Variants in ZDHHC14 observed in about 807,000 individuals in gnomAD.
The protein encoded by ZDHHC14 is zDHHC palmitoyltransferase 14.
A neutral mutation model predicts 47.7 loss-of-function variants in ZDHHC14; 16 were observed. That is an observed-to-expected ratio of 0.34 (90% CI 0.23 to 0.51). The LOEUF is 0.51. Ranked by LOEUF, ZDHHC14 falls within the 20% of genes least tolerant of loss-of-function variation. The pLI is 0.97. For missense variants in ZDHHC14, 515 were observed against 662.5 expected (o/e 0.78, Z 2.44); for synonymous variants, 293 against 278.9 (o/e 1.05, Z -0.50).
Position 157,593,045 on chromosome 6 carries a change from T to C in ZDHHC14, c.464T>C (p.Val155Ala), listed in dbSNP as rs1367492389. ...GYRPPPRTKEVIINGQTVKLK... is the reference protein window; with the variant it reads ...GYRPPPRTKEAIINGQTVKLK... The stretch of plus-strand genomic sequence containing the variant: ...CGCCCGCCTCCCAGAACCAAAGAAG[T>C]CATCATCAATGGCCAGACCGTGAAA... Residue 155 changes from valine to alanine, a missense_variant, in exon 3 of 9, where the codon GTC (valine) becomes GCC (alanine). Around this residue, in one of 4 missense-constraint regions of ZDHHC14, gnomAD observed 229 missense variants for 351.5 expected, o/e 0.65. Coordinates refer to ENST00000359775, the MANE Select transcript of ZDHHC14 (RefSeq NM_024630.3). The C allele has an allele frequency of 6.2e-7, 1 of 1,614,018 alleles. No homozygotes were observed. The highest frequency in any genetic ancestry group is 8.5e-7 in the Non-Finnish European group (1 of 1,180,016).
At chr6:157,510,826 A>G (rs1780448642) in intron 1 of ZDHHC14, among the ~76,000 whole-genome samples, 3 of 152,208 alleles carry the variant, frequency 2.0e-5, no homozygotes, top group Admixed American at 1.3e-4. Flanking sequence ...AGGGATGGCC[A>G]CCAGTCCCCG....
chr6:157,665,624 T>C (rs1303091482), intron 8 of ZDHHC14, among the ~76,000 whole-genome samples: 1 of 152,238 alleles, frequency 6.6e-6, no homozygotes, highest in East Asian at 1.9e-4. Context: ...AAATGCTTTA[T>C]AATTTTACGT....
chr6:157,628,948 C>T (rs1785550981), intron 4 of ZDHHC14, among the ~76,000 whole-genome samples: 1 of 152,220 alleles, frequency 6.6e-6, no homozygotes, highest in Non-Finnish European at 1.5e-5. Context: ...TCACCAGTCA[C>T]CCTCCCTAGA....
intron 1 of ZDHHC14, among the ~76,000 whole-genome samples, chr6:157,492,206 G>GCCCCCCCCC (rs954347593): frequency 9.7e-5 from 8 of 82,534 alleles, no homozygotes; most frequent in South Asian, 4.8e-4. Flanking sequence ...CTCCGCCCCC[G>GCCCCCCCCC]CCCCCCAGCC....
chr6:157,509,547 A>T (rs1384743906), intron 1 of ZDHHC14, among the ~76,000 whole-genome samples: 2 of 152,206 alleles, frequency 1.3e-5, no homozygotes, highest in Admixed American at 6.5e-5. Flanking sequence ...CTGGATTCAC[A>T]CCTGGCAGTG....
At chr6:157,419,266 G>T (rs778059859) in intron 1 of ZDHHC14, among the ~76,000 whole-genome samples, 1 of 152,056 alleles carries the variant, frequency 6.6e-6, no homozygotes, top group Non-Finnish European at 1.5e-5. Flanking sequence ...ACAGTTTAGG[G>T]TTTACTCTTT....
At chr6:157,667,792 T>A (rs1167988862) in intron 8 of ZDHHC14, among the ~76,000 whole-genome samples, 1 of 152,172 alleles carries the variant, frequency 6.6e-6, no homozygotes, top group Non-Finnish European at 1.5e-5. Context: ...AAAGCTCTTT[T>A]AAAAAAATCA....
chr6:157,635,756 C>T (rs148469297), intron 5 of ZDHHC14, among the ~76,000 whole-genome samples: 3 of 152,294 alleles, frequency 2.0e-5, no homozygotes, highest in East Asian at 1.9e-4. Context: ...GTGGCAGTAG[C>T]GTGCTGGCCG....
intron 5 of ZDHHC14, among the ~76,000 whole-genome samples, chr6:157,637,246 C>T (rs954083546): frequency 5.3e-5 from 8 of 152,154 alleles, no homozygotes; most frequent in African/African-American, 1.9e-4. Context: ...TGTGGTGAAG[C>T]CCTGTAGCTC....
chr6:157,486,167 C>G (rs549729019), intron 1 of ZDHHC14, among the ~76,000 whole-genome samples: 13 of 152,306 alleles, frequency 8.5e-5, no homozygotes, highest in Admixed American at 7.2e-4. Flanking sequence ...ATGACAGTCT[C>G]TAGGTGTGTT....
chr6:157,511,194 G>C (rs1291943469), intron 1 of ZDHHC14, among the ~76,000 whole-genome samples: 1 of 152,182 alleles, frequency 6.6e-6, no homozygotes, highest in Non-Finnish European at 1.5e-5. Flanking sequence ...TTTCCTCTTG[G>C]CTGGCGGGCT....
chr6:157,390,225 A>G (rs906184714), intron 1 of ZDHHC14, among the ~76,000 whole-genome samples: 3 of 152,136 alleles, frequency 2.0e-5, no homozygotes, highest in Admixed American at 6.5e-5. Flanking sequence ...ATATTAGCCC[A>G]TGGTCTTCTG....
At chr6:157,512,066 C>T (rs181258070) in intron 1 of ZDHHC14, among the ~76,000 whole-genome samples, 6 of 152,290 alleles carry the variant, frequency 3.9e-5, no homozygotes, top group East Asian at 3.9e-4. Context: ...AGGATAGTGA[C>T]GGCACTGTCA....
At chr6:157,653,455 T>G in intron 7 of ZDHHC14, 70 bp from the exon 8 acceptor site, 45 of 1,546,662 alleles carry the variant, frequency 2.9e-5, no homozygotes, top group Non-Finnish European at 3.5e-5. Flanking sequence ...ACGCGGAACC[T>G]GAGATAGTGC....
chr6:157,467,839 C>G (rs1175701246), intron 1 of ZDHHC14, among the ~76,000 whole-genome samples: 1 of 152,094 alleles, frequency 6.6e-6, no homozygotes, highest in Non-Finnish European at 1.5e-5. Context: ...TGTGATTCAT[C>G]CCTCATTATG....
intron 2 of ZDHHC14, among the ~76,000 whole-genome samples, chr6:157,577,810 C>T (rs762964851): frequency 4.7e-4 from 71 of 152,202 alleles, no homozygotes; most frequent in Non-Finnish European, 8.5e-4. Context: ...CTTGGCCTCC[C>T]AAAGTGCTGG....
chr6:157,579,354 C>T (rs906070860), intron 2 of ZDHHC14, among the ~76,000 whole-genome samples: 11 of 151,764 alleles, frequency 7.2e-5, no homozygotes, highest in African/African-American at 2.7e-4. Flanking sequence ...CCTGCCACCA[C>T]GCCCAGCTAA....
chr6:157,503,635 G>A (rs1289957523), intron 1 of ZDHHC14, among the ~76,000 whole-genome samples: 1 of 152,156 alleles, frequency 6.6e-6, no homozygotes, highest in African/African-American at 2.4e-5. Context: ...TTGGATTAAT[G>A]AATAGTGTGA....
chr6:157,454,192 G>T (rs1302001432), intron 1 of ZDHHC14, among the ~76,000 whole-genome samples: 2 of 152,306 alleles, frequency 1.3e-5, no homozygotes. Flanking sequence ...TCCAGCCATT[G>T]TATCAGCACT....
Sources: allele counts gnomAD v4.1 joint callset (sites outside exome capture counted in the v4.1 genomes callset), GRCh38; gene constraint gnomAD v4.1.1; regional missense constraint gnomAD v4.1.1; transcripts MANE v1.5; gene names NCBI Gene and HGNC (gene_info 2026-07-23, HGNC 2026-07-21).